LRRC9: variants seen among roughly 807,000 people sequenced by gnomAD.
The protein encoded by LRRC9 is leucine rich repeat containing 9, also known as leucine-rich repeat-containing protein 9.
Under a neutral mutation model 63.2 loss-of-function variants are expected in LRRC9, and 122 were observed. The observed-to-expected ratio is 1.93, with a 90% CI of 1.67 to 2.24. The LOEUF (loss-of-function observed/expected upper bound fraction) is 2.24, where lower values mean the gene tolerates loss of function less well. Among genes scored for constraint, LRRC9 ranks in the 30% most tolerant of loss-of-function variants. LRRC9 has a pLI of 0.00. For synonymous variants in LRRC9, 366 were observed against 213.1 expected, an observed-to-expected ratio of 1.72 and a Z score of -6.25; for missense variants, 1,071 against 627.7, an observed-to-expected ratio of 1.71 and a Z score of -7.55.
chr14:60,041,316 G>A (rs546536543), intron 29 of LRRC9, among the ~76,000 whole-genome samples: 2 of 152,084 alleles, frequency 1.3e-5, no homozygotes, highest in Non-Finnish European at 2.9e-5. Flanking sequence ...GCCTCGCTAG[G>A]TTGGGGAAGT....
chr14:60,011,716 A>G (rs944006233), intron 23 of LRRC9, among the ~76,000 whole-genome samples: 1 of 150,954 alleles, frequency 6.6e-6, no homozygotes, highest in Non-Finnish European at 1.5e-5. Context: ...AGGTAATGGG[A>G]ATGCATTGGA....
At chr14:60,009,683 C>T (rs1890100036) in intron 23 of LRRC9, among the ~76,000 whole-genome samples, 1 of 152,106 alleles carries the variant, frequency 6.6e-6, no homozygotes, top group Non-Finnish European at 1.5e-5. Flanking sequence ...TTCCACAGTC[C>T]AAAGTGTGAG....
chr14:59,996,255 G>A (rs925979170), intron 17 of LRRC9, among the ~76,000 whole-genome samples: 10 of 151,528 alleles, frequency 6.6e-5, no homozygotes, highest in Admixed American at 1.3e-4. Flanking sequence ...ATATCCTTTC[G>A]TTCAAGAAAT....
chr14:59,976,848 T>C (rs974278872), intron 13 of LRRC9, among the ~76,000 whole-genome samples: 5 of 152,230 alleles, frequency 3.3e-5, no homozygotes, highest in Non-Finnish European at 1.5e-5. Flanking sequence ...ATATATTGAG[T>C]GCCTCCTACC....
intron 16 of LRRC9, among the ~76,000 whole-genome samples, chr14:59,983,509 G>T (rs921277108): frequency 1.3e-4 from 20 of 152,306 alleles, no homozygotes; most frequent in African/African-American, 4.8e-4. Context: ...GAGATTTATA[G>T]AAAGAGGTGA....
exon 32 of LRRC9, chr14:60,063,506 G>T: frequency 1.7e-6 from 1 of 603,234 alleles, no homozygotes; most frequent in East Asian, 2.8e-5. Context: ...TCCATATGAA[G>T]ATAATCTATT....
Position 59,955,989 on chromosome 14 carries a change from C to T in LRRC9, c.883-3829C>T, listed in dbSNP as rs554737761. On this transcript the variant is annotated intron_variant, in intron 8 of 31. Coordinates refer to ENST00000445360, the Ensembl canonical transcript of LRRC9. ...AATCCTGAGTTCTATTTTAATTGCA[C>T]TGTGGTCTGAGGAACTGTTTGTTAT... Among the ~76,000 whole-genome samples the T allele has an allele frequency of 2.0e-5, 3 of 152,230 alleles. No homozygotes were observed. In the South Asian group the frequency reaches 6.2e-4, roughly 32 times the overall value.
chr14:60,034,405 T>C (rs1160243653), intron 29 of LRRC9, among the ~76,000 whole-genome samples: 1 of 152,160 alleles, frequency 6.6e-6, no homozygotes, highest in Admixed American at 6.6e-5. Flanking sequence ...AAAACATACA[T>C]ATACAATTTA....
At chr14:59,978,432 C>T (rs2140083325) in intron 15 of LRRC9, among the ~76,000 whole-genome samples, 1 of 152,282 alleles carries the variant, frequency 6.6e-6, no homozygotes, top group East Asian at 1.9e-4. Context: ...TTTAACCTCA[C>T]TGCCATTCTC....
intron 29 of LRRC9, among the ~76,000 whole-genome samples, chr14:60,044,778 G>A (rs1296474831): frequency 6.6e-6 from 1 of 152,162 alleles, no homozygotes; most frequent in East Asian, 1.9e-4. Context: ...TGGGTGAAAT[G>A]TTTATAAATG....
intron 29 of LRRC9, 98 bp downstream of exon 29, chr14:60,032,161 C>T: frequency 1.7e-6 from 1 of 586,446 alleles, no homozygotes; most frequent in Non-Finnish European, 3.0e-6. Context: ...TTTTATGCTT[C>T]TGTATGCATA....
At chr14:59,987,830 A>G (rs1887647478) in intron 17 of LRRC9, among the ~76,000 whole-genome samples, 1 of 152,228 alleles carries the variant, frequency 6.6e-6, no homozygotes, top group Non-Finnish European at 1.5e-5. Flanking sequence ...ATACTTTTAC[A>G]AAGAGACATT....
intron 31 of LRRC9, among the ~76,000 whole-genome samples, chr14:60,059,716 CAGAAG>C (rs1894531500): frequency 6.6e-6 from 1 of 152,176 alleles, no homozygotes; most frequent in Non-Finnish European, 1.5e-5. Flanking sequence ...GAGAAAGCTG[CAGAAG>C]AGAAGTTTGA....
chr14:60,023,195 GA>G (rs1226554569), intron 27 of LRRC9, among the ~76,000 whole-genome samples: 12 of 151,970 alleles, frequency 7.9e-5, no homozygotes, highest in African/African-American at 2.9e-4. Context: ...TACTATGAAA[GA>G]TATGGAAGTA....
chr14:60,036,236 T>C (rs1291198417), intron 29 of LRRC9, among the ~76,000 whole-genome samples: 3 of 152,172 alleles, frequency 2.0e-5, no homozygotes, highest in Admixed American at 6.5e-5. Flanking sequence ...GTTAGGGCTT[T>C]AATATATGAA....
chr14:59,997,951 T>C (rs1360123955), intron 18 of LRRC9, 104 bp downstream of exon 18: 4 of 565,016 alleles, frequency 7.1e-6, no homozygotes, highest in Non-Finnish European at 1.3e-5. Flanking sequence ...CAAAGTATCT[T>C]CGTTTTTCTA....
At chr14:60,064,137 G>A (rs747095641), downstream of LRRC9, among the ~76,000 whole-genome samples, 1 of 152,150 alleles carries the variant, frequency 6.6e-6, no homozygotes, top group Non-Finnish European at 1.5e-5. Context: ...AAACTGAGTG[G>A]ACACATTTAA....
At position 59,930,950 on chromosome 14, in the gene LRRC9, G is replaced by C; in HGVS notation, c.300G>C (p.Leu100Phe). 1 of 439,026 alleles carries C rather than the reference G, an allele frequency of 2.3e-6. No individual in the cohort carries two copies. Among genetic ancestry groups the C allele is most frequent in the Non-Finnish European group, 4.1e-6 (1 of 244,654 alleles). 27.2% of individuals were successfully genotyped at this position (439,026 alleles called of 1,614,324 possible). A position where few individuals can be genotyped will look rare whatever the true frequency, so the allele number is the denominator to read the frequency against. ...AAGGTCTTCAAGAATGTAGAAATTT[G>C]GAAAAACTATATTTATATTTTAATA... Residue 100 changes from leucine (L) to phenylalanine (F), a missense_variant, in exon 4 of 32, where the codon TTG becomes TTC. Leu to Phe is a conservative substitution (Grantham distance 22). Coordinates refer to ENST00000445360, the Ensembl canonical transcript of LRRC9. This position sits in a 1 kb window ranked among gnomAD's most constrained non-coding sequence, Gnocchi z 4.9.
At chr14:60,000,902 C>T (rs553853611) in intron 19 of LRRC9, among the ~76,000 whole-genome samples, 5 of 151,802 alleles carry the variant, frequency 3.3e-5, no homozygotes, top group Admixed American at 1.3e-4. Flanking sequence ...GACAACCAGC[C>T]GAACAGAAAT....
Sources: gnomAD v4.1 joint callset for allele counts (sites outside exome capture counted in the v4.1 genomes callset) on GRCh38, gnomAD v4.1.1 for gene constraint, Gnocchi (gnomAD v3.1) non-coding constraint, MANE v1.5 for transcripts, NCBI Gene and HGNC (gene_info 2026-07-23, HGNC 2026-07-21) for gene names.